Variants in PDE12 observed in about 807,000 individuals in gnomAD.
The protein encoded by PDE12 is 2',5'-phosphodiesterase 12.
A neutral mutation model predicts 45.4 loss-of-function variants in PDE12; 26 were observed. That is an observed-to-expected ratio of 0.57 (90% confidence interval 0.42 to 0.79). PDE12 has a LOEUF of 0.79. Ranked by LOEUF, PDE12 falls within the 30% of genes least tolerant of loss-of-function variation. The pLI is 0.00. For synonymous variants in PDE12, 283 were observed against 323.9 expected (o/e 0.87, Z 1.36); for missense variants, 668 against 790.0 (o/e 0.85, Z 1.85).
the PDE12 span, among the ~76,000 whole-genome samples, chr3:57,614,535 T>G: frequency 7.8e-6 from 1 of 128,320 alleles, no homozygotes; most frequent in East Asian, 2.8e-4. Flanking sequence ...TTTTTTTTTT[T>G]TGTTTTTTGT....
chr3:57,558,786 G>C (rs182527046), intron 1 of PDE12, among the ~76,000 whole-genome samples: 13 of 151,708 alleles, frequency 8.6e-5, no homozygotes, highest in Non-Finnish European at 1.8e-4. Flanking sequence ...CACCACGCCC[G>C]GCCTATATTG....
At chr3:57,596,813 T>G in the PDE12 span, 1 of 457,976 alleles carries the variant, frequency 2.2e-6, no homozygotes, top group Non-Finnish European at 4.0e-6. Flanking sequence ...CAGCTTTCAA[T>G]AAGATCAAGG....
chr3:57,654,461 A>G, the PDE12 span, among the ~76,000 whole-genome samples: 1 of 152,214 alleles, frequency 6.6e-6, no homozygotes. Flanking sequence ...GTAGAAAGCC[A>G]AAATAACTTG....
the PDE12 span, among the ~76,000 whole-genome samples, chr3:57,585,512 T>A: frequency 6.6e-6 from 1 of 152,152 alleles, no homozygotes; most frequent in Non-Finnish European, 1.5e-5. Flanking sequence ...CATTACCTAA[T>A]GTAAACAACG....
At chr3:57,604,401 T>G in the PDE12 span, among the ~76,000 whole-genome samples, 1 of 152,016 alleles carries the variant, frequency 6.6e-6, no homozygotes, top group African/African-American at 2.4e-5. Flanking sequence ...AATGTTAAAT[T>G]CATGTATCTA....
rs756650042 is a variant in PDE12 at position 57,556,813 on chromosome 3, G to A, written c.434G>A (p.Gly145Asp). The change falls in exon 1 of 3, where the codon GGC becomes GAC. Residue 145 changes from glycine to aspartate, a missense_variant. Physicochemically the swap from Gly to Asp is moderately conservative, Grantham distance 94. This residue lies in a region of PDE12 where 580 missense variants were observed against 662.9 expected (regional missense o/e 0.87). Transcript: ENST00000311180. The surrounding 1 kb of genome is among the most constrained non-coding windows in gnomAD (Gnocchi z 5.0). Reference sequence around the variant, plus strand: ...CTCAACGTGGATGCCTGGCAAGACGGCGCGGTGCTGCAGATCGGCGATGTT... The same window carrying A: ...CTCAACGTGGATGCCTGGCAAGACGACGCGGTGCTGCAGATCGGCGATGTT... ...DVLNVDAWQD[G>D]AVLQIGDVKY... 6.2e-7 allele frequency: 1 copy of A among 1,613,028 alleles called. No individual in the cohort carries two copies. Among genetic ancestry groups the A allele is most frequent in the Non-Finnish European group, 8.5e-7 (1 of 1,179,278 alleles).
chr3:57,572,925 G>A, the PDE12 span, among the ~76,000 whole-genome samples: 3 of 151,950 alleles, frequency 2.0e-5, no homozygotes, highest in South Asian at 2.1e-4. Context: ...TTGTTAGGCC[G>A]GGCGTGGTGG....
the PDE12 span, chr3:57,628,236 A>G: frequency 6.2e-7 from 1 of 1,613,724 alleles, no homozygotes; most frequent in Non-Finnish European, 8.5e-7. Flanking sequence ...CGTTTTGAGC[A>G]GTATGCCTTG....
At chr3:57,652,025 C>A in the PDE12 span, among the ~76,000 whole-genome samples, 1 of 152,010 alleles carries the variant, frequency 6.6e-6, no homozygotes, top group Non-Finnish European at 1.5e-5. Flanking sequence ...TAGCAAGACA[C>A]CCTCTCTACA....
chr3:57,630,463 G>T, the PDE12 span: 1 of 1,594,998 alleles, frequency 6.3e-7, no homozygotes, highest in East Asian at 2.2e-5. Flanking sequence ...CCAATTTTTG[G>T]GTCATTTCCT....
chr3:57,648,352 G>A, the PDE12 span, among the ~76,000 whole-genome samples: 163 of 152,094 alleles, frequency 1.1e-3, 3 homozygotes, highest in Non-Finnish European at 1.3e-3. Flanking sequence ...AATCACAGAC[G>A]ACACAAACAA....
chr3:57,602,641 G>A, the PDE12 span, among the ~76,000 whole-genome samples: 2 of 152,038 alleles, frequency 1.3e-5, no homozygotes, highest in Non-Finnish European at 2.9e-5. Flanking sequence ...CACGATCTTG[G>A]CTCACTGCAC....
At chr3:57,612,705 A>G in the PDE12 span, among the ~76,000 whole-genome samples, 2 of 147,792 alleles carry the variant, frequency 1.4e-5, no homozygotes, top group Admixed American at 1.4e-4. Flanking sequence ...GGGGAAGTGG[A>G]GGTTGCAGTG....
Position 57,560,852 on chromosome 3 carries a change from G to T in PDE12, c.*848G>T, listed in dbSNP as rs2069721796. On this transcript the variant is annotated 3_prime_UTR_variant, in exon 3 of 3. Transcript: ENST00000311180. ...GACACATGGAAGGAGTAACATTAGG[G>T]TCTACCTCTACCTCAATTTAGTTAG... The T allele has an allele frequency of 1.0e-6, 1 of 985,230 alleles. No individual in the cohort carries two copies. 61.0% of individuals were successfully genotyped at this position (985,230 alleles called of 1,614,324 possible).
chr3:57,623,307 G>A, the PDE12 span, among the ~76,000 whole-genome samples: 215 of 152,116 alleles, frequency 1.4e-3, no homozygotes, highest in African/African-American at 4.9e-3. Flanking sequence ...TACCACCAGA[G>A]CCTTTGATTA....
the PDE12 span, among the ~76,000 whole-genome samples, chr3:57,587,955 CAT>C: frequency 6.6e-6 from 1 of 152,166 alleles, no homozygotes; most frequent in African/African-American, 2.4e-5. Flanking sequence ...ACGAATTAAA[CAT>C]ATACAGTCAT....
At chr3:57,591,811 A>C in the PDE12 span, among the ~76,000 whole-genome samples, 1 of 152,226 alleles carries the variant, frequency 6.6e-6, no homozygotes, top group African/African-American at 2.4e-5. Flanking sequence ...AAAAAGCCAG[A>C]CAAAGAGGCC....
the PDE12 span, among the ~76,000 whole-genome samples, chr3:57,578,061 C>G: frequency 6.6e-6 from 1 of 151,676 alleles, no homozygotes; most frequent in Admixed American, 6.6e-5. Flanking sequence ...AAAAAACAAA[C>G]AAAAAAACCC....
chr3:57,624,192 C>T, the PDE12 span, among the ~76,000 whole-genome samples: 1 of 151,718 alleles, frequency 6.6e-6, no homozygotes, highest in African/African-American at 2.4e-5. Context: ...GCTCTGTCGC[C>T]CAGGCTGGAG....
Sources: gnomAD v4.1 joint callset for allele counts (sites outside exome capture counted in the v4.1 genomes callset) on GRCh38, gnomAD v4.1.1 for gene constraint, gnomAD v4.1.1 regional missense constraint, Gnocchi (gnomAD v3.1) non-coding constraint, MANE v1.5 for transcripts, NCBI Gene and HGNC (gene_info 2026-07-23, HGNC 2026-07-21) for gene names.